Variants in KASH5 observed in about 807,000 individuals in gnomAD.
The protein encoded by KASH5 is protein KASH5.
A neutral mutation model predicts 84.2 loss-of-function variants in KASH5; 72 were observed. The ratio of observed to expected loss-of-function variants is 0.85; its 90% CI spans 0.71 to 1.04. The LOEUF is 1.04. Ranked by LOEUF, KASH5 falls within the 50% of genes least tolerant of loss-of-function variation. The pLI is 0.00. For missense variants in KASH5, 650 were observed against 701.0 expected, an observed-to-expected ratio of 0.93 and a Z score of 0.82; for synonymous variants, 260 against 279.1, an observed-to-expected ratio of 0.93 and a Z score of 0.68.
rs2146853066 is a variant in KASH5, at chr19:49,395,764, T to TA, written c.336-4dup. ...GGGGCGCTAAGCCTCATCCCTTTGA[T>TA]ACAGGGGATTAGAGCTGGAAGAGGA... On this transcript the variant is annotated splice_region_variant and splice_polypyrimidine_tract_variant and intron_variant, in intron 4 of 19. Transcript: ENST00000447857. This position sits in a 1 kb window ranked among gnomAD's most constrained non-coding sequence, Gnocchi z 4.4. 1 of 1,556,844 alleles carries TA rather than the reference T, an allele frequency of 6.4e-7. No homozygotes were observed. The highest frequency in any genetic ancestry group is 1.4e-5 in the African/African-American group (1 of 73,494).
intron 2 of KASH5, 44 bp downstream of exon 2, chr19:49,390,970 G>T: frequency 6.3e-7 from 1 of 1,597,734 alleles, no homozygotes; most frequent in South Asian, 1.1e-5. Flanking sequence ...GGTGAGGAGG[G>T]AGCCATGGGT....
chr19:49,414,811 G>T lies in KASH5; in HGVS notation c.1329-140G>T. 1 of 751,996 alleles carries T rather than the reference G, an allele frequency of 1.3e-6. No homozygotes were observed. Among genetic ancestry groups the T allele is most frequent in the Non-Finnish European group, 2.3e-6 (1 of 430,952 alleles). The allele number at this position is 751,996 out of a possible 1,614,324, so 46.6% of individuals were successfully genotyped here. A position where few individuals can be genotyped will look rare whatever the true frequency, so the allele number is the denominator to read the frequency against. ...GGCCTCCCCCAGGCCCGTCCGTGCTGCCTGGCCTCCCCCAGGCCCGTCCGT... is the reference window on the plus strand; with the variant it reads ...GGCCTCCCCCAGGCCCGTCCGTGCTTCCTGGCCTCCCCCAGGCCCGTCCGT... On this transcript the variant is annotated intron_variant, in intron 16 of 19. Transcript: ENST00000447857. The surrounding 1 kb of genome is among the most constrained non-coding windows in gnomAD (Gnocchi z 4.5).
chr19:49,400,931 G>T (rs372890808), intron 9 of KASH5, among the ~76,000 whole-genome samples: 1 of 152,096 alleles, frequency 6.6e-6, no homozygotes, highest in Non-Finnish European at 1.5e-5. Context: ...CACCACCCCC[G>T]ACCTCAAGGT....
chr19:49,414,905 C>T lies in KASH5; in HGVS notation c.1329-46C>T, dbSNP rs759023915. On this transcript the variant is annotated intron_variant, in intron 16 of 19. Coordinates refer to ENST00000447857, the MANE Select transcript of KASH5 (RefSeq NM_144688.5). The surrounding 1 kb of genome is among the most constrained non-coding windows in gnomAD (Gnocchi z 4.5). The stretch of plus-strand genomic sequence containing the variant: ...CCCAGCCCATAGTAGGCAAAGGGAA[C>T]CAGGGAGAAGAGGACGAAGCCAGCA... 1.9e-6 allele frequency: 3 copies of T among 1,595,744 alleles called. No homozygotes were observed. Among genetic ancestry groups the T allele is most frequent in the Non-Finnish European group, 2.6e-6 (3 of 1,171,188 alleles).
intron 13 of KASH5, 38 bp downstream of exon 13, chr19:49,409,069 G>A (rs1974626546): frequency 2.5e-6 from 4 of 1,579,496 alleles, no homozygotes; most frequent in Non-Finnish European, 3.4e-6. Context: ...AGGCAGGAGG[G>A]GAGCCTAAGG....
chr19:49,399,789 G>A lies in KASH5; in HGVS notation c.798+282G>A. 1 of 727,294 alleles carries A rather than the reference G, an allele frequency of 1.4e-6. No individual in the cohort carries two copies. Among genetic ancestry groups the A allele is most frequent in the Non-Finnish European group, 2.1e-6 (1 of 484,864 alleles). The allele number at this position is 727,294 out of a possible 1,614,324, so 45.1% of individuals were successfully genotyped here. On this transcript the variant is annotated intron_variant, in intron 9 of 19. Transcript: ENST00000447857. The surrounding 1 kb of genome is among the most constrained non-coding windows in gnomAD (Gnocchi z 4.4). ...GTGCCTCAGTTGCCTCACCTATAAA[G>A]ATGAACAAAACAATGGCATCTGCCT...
chr19:49,417,144 C>T lies in KASH5; in HGVS notation c.1440-15C>T, dbSNP rs766686563. On this transcript the variant is annotated splice_polypyrimidine_tract_variant and intron_variant, in intron 18 of 19. Transcript: ENST00000447857. The surrounding 1 kb of genome is among the most constrained non-coding windows in gnomAD (Gnocchi z 5.2). ...AGGAAAAACCCAGTGGTGATTCCCTCCTTCACCCCAGCAGACCTGCGCGGC... is the reference window on the plus strand; with the variant it reads ...AGGAAAAACCCAGTGGTGATTCCCTTCTTCACCCCAGCAGACCTGCGCGGC... 19 of 1,612,620 alleles carry T rather than the reference C, an allele frequency of 1.2e-5. No individual in the cohort carries two copies. The highest frequency in any genetic ancestry group is 2.2e-5 in the East Asian group (1 of 44,870).
intron 15 of KASH5, among the ~76,000 whole-genome samples, chr19:49,411,989 C>T (rs1974735858): frequency 6.6e-6 from 1 of 150,970 alleles, no homozygotes; most frequent in South Asian, 2.1e-4. Flanking sequence ...GGAAGCCAGC[C>T]TTTGAGGCAC....
At position 49,395,779 on chromosome 19, in the gene KASH5, C is replaced by T. The variant is rs1320759270; in HGVS notation, c.346C>T (p.Leu116=). The change falls in exon 5 of 20, where the codon CTG becomes TTG. Residue 116 remains leucine, a synonymous_variant. Coordinates refer to ENST00000447857, the MANE Select transcript of KASH5 (RefSeq NM_144688.5). This position sits in a 1 kb window ranked among gnomAD's most constrained non-coding sequence, Gnocchi z 4.4. The part of the protein sequence containing the change: ...AACQLHGGLE[L]EEETAFQGAL... ...ATCCCTTTGATACAGGGGATTAGAGCTGGAAGAGGAGACCGCCTTCCAGGG... is the reference window on the plus strand; with the variant it reads ...ATCCCTTTGATACAGGGGATTAGAGTTGGAAGAGGAGACCGCCTTCCAGGG... 3.2e-6 allele frequency: 5 copies of T among 1,561,306 alleles called. No homozygotes were observed. The Admixed American group carries it at 9.5e-5, about 30-fold the overall frequency.
intron 9 of KASH5, among the ~76,000 whole-genome samples, chr19:49,405,880 C>T (rs913697526): frequency 8.1e-5 from 12 of 148,212 alleles, no homozygotes; most frequent in African/African-American, 1.3e-4. Flanking sequence ...AACTTGAACC[C>T]GGGAGGCAGA....
intron 17 of KASH5, chr19:49,415,637 G>A (rs1974881399): frequency 1.2e-5 from 2 of 160,132 alleles, no homozygotes; most frequent in Admixed American, 5.8e-5. Context: ...CTGCCTCCAG[G>A]ACACTCAGCT....
intron 9 of KASH5, among the ~76,000 whole-genome samples, chr19:49,402,956 CTCTGGGAGGTT>C: frequency 6.6e-6 from 1 of 151,946 alleles, no homozygotes; most frequent in Middle Eastern, 3.2e-3. Context: ...AGAAGGTGGT[CTCTGGGAGGTT>C]TGGTGGCTCC....
At chr19:49,406,273 G>T (rs1051682319) in intron 9 of KASH5, among the ~76,000 whole-genome samples, 3 of 151,884 alleles carry the variant, frequency 2.0e-5, no homozygotes, top group African/African-American at 7.2e-5. Flanking sequence ...TTGGGGATAA[G>T]AAATGAGTCA....
At position 49,417,560 on chromosome 19, in the gene KASH5, G is replaced by C. The variant is rs1568627729; in HGVS notation, c.*50G>C. ...AGTGTCTAGCTCAATAAATCCCCTGGCCCTCTCTCCACTGGGATCCCCATT... is the reference window on the plus strand; with the variant it reads ...AGTGTCTAGCTCAATAAATCCCCTGCCCCTCTCTCCACTGGGATCCCCATT... On this transcript the variant is annotated 3_prime_UTR_variant, in exon 20 of 20. Transcript: ENST00000447857. The surrounding 1 kb of genome is among the most constrained non-coding windows in gnomAD (Gnocchi z 5.2). 9.5e-6 allele frequency: 14 copies of C among 1,469,594 alleles called. No homozygotes were observed. The highest frequency in any genetic ancestry group is 1.2e-5 in the Non-Finnish European group (13 of 1,104,918). 91.0% of individuals were successfully genotyped at this position (1,469,594 alleles called of 1,614,324 possible). A position where few individuals can be genotyped will look rare whatever the true frequency, so the allele number is the denominator to read the frequency against.
At position 49,399,099 on chromosome 19, in the gene KASH5, T is replaced by C; in HGVS notation, c.704T>C (p.Leu235Pro). 2 of 1,551,676 alleles carry C rather than the reference T, an allele frequency of 1.3e-6. No homozygotes were observed. The highest frequency in any genetic ancestry group is 1.7e-6 in the Non-Finnish European group (2 of 1,146,980). ...GACCTGAAGACTCTGGCCAGGAGCC[T>C]GGAGGAACAGAATCGCAGCCTTCTG... ...LEDLKTLARS[L>P]EEQNRSLLAQ... Residue 235 changes from leucine to proline, a missense_variant, in exon 8 of 20, where the codon CTG becomes CCG. By Grantham distance (98) the Leu-to-Pro change is moderately conservative. Coordinates refer to ENST00000447857, the MANE Select transcript of KASH5 (RefSeq NM_144688.5). This position sits in a 1 kb window ranked among gnomAD's most constrained non-coding sequence, Gnocchi z 4.4.
intron 1 of KASH5, chr19:49,389,835 C>T: frequency 6.5e-6 from 1 of 153,022 alleles, no homozygotes; most frequent in Non-Finnish European, 1.5e-5. Context: ...CCTGTCACTG[C>T]TGCAGGGACT....
Position 49,417,376 on chromosome 19 carries a change from C to A in KASH5, c.1555C>A (p.Arg519=), listed in dbSNP as rs781236026. ...CLPPQRLRVT[R]HPLIPAPVLG... ...CTCCCACCTCCCCACCAGAGTCACT[C>A]GACATCCACTGATCCCAGCTCCTGT... Residue 519 remains arginine, a synonymous_variant, in exon 20 of 20, where the codon CGA becomes AGA. Transcript: ENST00000447857. The surrounding 1 kb of genome is among the most constrained non-coding windows in gnomAD (Gnocchi z 5.2). 4 of 1,552,416 alleles carry A rather than the reference C, an allele frequency of 2.6e-6. No homozygotes were observed. The Admixed American group carries it at 5.9e-5, about 23-fold the overall frequency.
Position 49,417,067 on chromosome 19 carries a change from A to ACCCTCCAGATTATAGG in KASH5, c.1436_1437insTTATAGGCCCTCCAGA (p.Glu479AspfsTer104). ...CCTCGCCCTGGAGACATCCCAGAAAACCCTCCAGAGAGGTAATAGGACCCA... is the reference window on the plus strand; with the variant it reads ...CCTCGCCCTGGAGACATCCCAGAAAACCCTCCAGATTATAGGCCCTCCAGAGAGGTAATAGGACCCA... On this transcript the variant is annotated frameshift_variant, in exon 18 of 20. Coordinates refer to ENST00000447857, the MANE Select transcript of KASH5 (RefSeq NM_144688.5). LOFTEE classifies it high-confidence loss of function. This position sits in a 1 kb window ranked among gnomAD's most constrained non-coding sequence, Gnocchi z 5.2. 1 of 1,596,958 alleles carries ACCCTCCAGATTATAGG rather than the reference A, an allele frequency of 6.3e-7. No homozygotes were observed. The highest frequency in any genetic ancestry group is 1.3e-5 in the African/African-American group (1 of 74,474).
In KASH5 at chr19:49,399,405, G is replaced by A; in HGVS notation, c.748-52G>A. The A allele has an allele frequency of 1.3e-6, 2 of 1,554,614 alleles. No homozygotes were observed. Among genetic ancestry groups the A allele is most frequent in the Admixed American group, 1.8e-5 (1 of 55,196 alleles). On this transcript the variant is annotated intron_variant, in intron 8 of 19. Transcript: ENST00000447857. The surrounding 1 kb of genome is among the most constrained non-coding windows in gnomAD (Gnocchi z 4.4). ...TCAGGGGTGGGAGAAGGGCAACATG[G>A]GGGCAAGGAGGCTAGAAATGAAACC... is the stretch of plus-strand genomic sequence containing the variant.
Sources: allele counts gnomAD v4.1 joint callset (sites outside exome capture counted in the v4.1 genomes callset), GRCh38; gene constraint gnomAD v4.1.1; non-coding constraint Gnocchi (gnomAD v3.1); transcripts MANE v1.5; gene names NCBI Gene and HGNC (gene_info 2026-07-23, HGNC 2026-07-21).